The following RAD51B variants were observed in gnomAD, a reference collection of about 807,000 sequenced individuals.
RAD51B encodes RAD51 paralog B.
RAD51B carries 38 observed loss-of-function variants against 42.2 expected under a neutral mutation model. The observed-to-expected ratio is 0.90, with a 90% CI of 0.70 to 1.18. The LOEUF (loss-of-function observed/expected upper bound fraction) is 1.18. Ranked by LOEUF, RAD51B falls within the 50% of genes most tolerant of loss-of-function variation. The pLI is 0.00. For missense variants in RAD51B, 373 were observed against 400.7 expected, an observed-to-expected ratio of 0.93 and a Z score of 0.59; for synonymous variants, 154 against 145.2, an observed-to-expected ratio of 1.06 and a Z score of -0.43.
downstream of RAD51B, chr14:68,478,153 A>T: frequency 9.8e-7 from 1 of 1,020,052 alleles, no homozygotes; most frequent in Non-Finnish European, 1.2e-6. Context: ...CAGAAATGAA[A>T]TCATGGAATG....
At chr14:68,477,260 C>G (rs757068914) in intron 10 of RAD51B, among the ~76,000 whole-genome samples, 3 of 152,192 alleles carry the variant, frequency 2.0e-5, no homozygotes, top group Non-Finnish European at 4.4e-5. Context: ...CTAGATATAG[C>G]ACAAAACATC....
chr14:68,659,930 G>A (rs1892899270), intron 11 of RAD51B, among the ~76,000 whole-genome samples: 1 of 152,234 alleles, frequency 6.6e-6, no homozygotes, highest in Non-Finnish European at 1.5e-5. Flanking sequence ...ATCTTGAGCT[G>A]GTGGGGGTTG....
chr14:68,029,784 C>T (rs2076012388), intron 7 of RAD51B, among the ~76,000 whole-genome samples: 1 of 152,192 alleles, frequency 6.6e-6, no homozygotes, highest in African/African-American at 2.4e-5. Context: ...GTACCCAGAT[C>T]CATCAGACGA....
At chr14:68,463,915 T>C (rs1233340829) in intron 9 of RAD51B, among the ~76,000 whole-genome samples, 3 of 152,212 alleles carry the variant, frequency 2.0e-5, no homozygotes, top group Non-Finnish European at 4.4e-5. Context: ...TATATCTCCA[T>C]TGATATAACC....
At chr14:68,239,595 T>C (rs2080340611) in intron 7 of RAD51B, among the ~76,000 whole-genome samples, 1 of 152,140 alleles carries the variant, frequency 6.6e-6, no homozygotes, top group Non-Finnish European at 1.5e-5. Context: ...ACTGCTCTCT[T>C]CTTTTGTTCA....
downstream of RAD51B, among the ~76,000 whole-genome samples, chr14:68,599,764 G>T: frequency 6.6e-6 from 1 of 152,170 alleles, no homozygotes; most frequent in Admixed American, 6.5e-5. Flanking sequence ...CCCCTCCAAG[G>T]CTATGAAAGA....
chr14:68,361,024 T>A (rs1425615080), intron 8 of RAD51B, among the ~76,000 whole-genome samples: 2 of 152,180 alleles, frequency 1.3e-5, no homozygotes, highest in Admixed American at 6.5e-5. Flanking sequence ...ATGACCTTTC[T>A]AGGTTTTATG....
intron 10 of RAD51B, chr14:68,497,340 A>C: frequency 8.0e-7 from 1 of 1,247,620 alleles, no homozygotes; most frequent in Non-Finnish European, 1.0e-6. Flanking sequence ...GAACAAGCCC[A>C]ACAGTAATCT....
rs745505141 is a variant in RAD51B at position 67,864,961 on chromosome 14, CTTTTTTTTTTTTTT to C, written c.316-16_316-3del. 1.4e-3 allele frequency: 918 copies of C among 645,018 alleles called. 22 individuals carry two copies. Among genetic ancestry groups the C allele is most frequent in the East Asian group, 7.2e-3 (76 of 10,508 alleles). The allele number at this position is 645,018 out of a possible 1,614,324, so 40.0% of individuals were successfully genotyped here. ...TGGCTTGTGATGTTTATCTAAAAAA[CTTTTTTTTTTTTTT>C]TTTTTTTTTTTTTTTTTTTTTTTTT... On this transcript the variant is annotated intron_variant, in intron 4 of 10. Transcript: ENST00000471583.
chr14:68,476,278 G>T (rs1025894271), intron 10 of RAD51B, among the ~76,000 whole-genome samples: 2 of 152,146 alleles, frequency 1.3e-5, no homozygotes, highest in Non-Finnish European at 2.9e-5. Context: ...GACAAAAACC[G>T]CATTCCATTG....
At chr14:68,373,258 T>C (rs1376461937) in intron 8 of RAD51B, among the ~76,000 whole-genome samples, 1 of 152,214 alleles carries the variant, frequency 6.6e-6, no homozygotes, top group Admixed American at 6.5e-5. Context: ...TCCTATTTAA[T>C]CCTCTAAACT....
At position 68,368,277 on chromosome 14, in the gene RAD51B, G is replaced by A. The variant is rs116988435; in HGVS notation, c.854-43147G>A. On this transcript the variant is annotated intron_variant, in intron 8 of 10. Coordinates refer to ENST00000471583, the MANE Select transcript of RAD51B (RefSeq NM_133510.4). Reference sequence around the variant, plus strand: ...TTTTCACAAATGAGCACACAGCCTCGAACAAGTTAATTCCTCAGAATCCCA... The same window carrying A: ...TTTTCACAAATGAGCACACAGCCTCAAACAAGTTAATTCCTCAGAATCCCA... Among the ~76,000 whole-genome samples the A allele has an allele frequency of 6.6e-5, 10 of 152,220 alleles. No homozygotes were observed. In the East Asian group the frequency reaches 1.7e-3, roughly 26 times the overall value.
At chr14:68,670,773 G>A (rs1893139769) in intron 11 of RAD51B, among the ~76,000 whole-genome samples, 1 of 152,246 alleles carries the variant, frequency 6.6e-6, no homozygotes, top group South Asian at 2.1e-4. Flanking sequence ...TCGAAGGCCA[G>A]AACTTGTCCA....
chr14:68,511,690 A>T (rs539906871), intron 10 of RAD51B, among the ~76,000 whole-genome samples: 87 of 152,348 alleles, frequency 5.7e-4, no homozygotes, highest in African/African-American at 1.8e-3. Flanking sequence ...GCGTGTTCAG[A>T]GAATTAGAGA....
intron 7 of RAD51B, among the ~76,000 whole-genome samples, chr14:68,101,122 G>A (rs1180820170): frequency 6.6e-6 from 1 of 152,252 alleles, no homozygotes; most frequent in East Asian, 1.9e-4. Flanking sequence ...CACAAGAACA[G>A]CAGCATGTTG....
At chr14:67,855,633 A>T (rs1378524712) in intron 4 of RAD51B, among the ~76,000 whole-genome samples, 1 of 152,236 alleles carries the variant, frequency 6.6e-6, no homozygotes, top group Non-Finnish European at 1.5e-5. Flanking sequence ...AATGCCTATA[A>T]GCACGAGCCA....
intron 7 of RAD51B, among the ~76,000 whole-genome samples, chr14:68,216,250 ATTTC>A (rs2140953897): frequency 1.3e-5 from 2 of 152,268 alleles, no homozygotes; most frequent in African/African-American, 4.8e-5. Flanking sequence ...CTAAAAACCT[ATTTC>A]TTTATTTTAA....
At chr14:68,266,487 A>G (rs2080994652) in intron 7 of RAD51B, among the ~76,000 whole-genome samples, 1 of 152,228 alleles carries the variant, frequency 6.6e-6, no homozygotes. Context: ...AAATTATTTT[A>G]TGGCCTGCTT....
At chr14:68,219,938 C>A (rs1327435484) in intron 7 of RAD51B, among the ~76,000 whole-genome samples, 1 of 151,892 alleles carries the variant, frequency 6.6e-6, no homozygotes, top group Non-Finnish European at 1.5e-5. Context: ...TTAAAGAAAT[C>A]AAAAACATGA....
Sources: allele counts gnomAD v4.1 joint callset (sites outside exome capture counted in the v4.1 genomes callset), GRCh38; gene constraint gnomAD v4.1.1; transcripts MANE v1.5; gene names NCBI Gene and HGNC (gene_info 2026-07-23, HGNC 2026-07-21).